The following SLC10A7 variants were observed in gnomAD, a reference collection of about 807,000 sequenced individuals.
SLC10A7 encodes the protein sodium/bile acid cotransporter 7.
A neutral mutation model predicts 43.2 loss-of-function variants in SLC10A7; 29 were observed. The observed-to-expected ratio is 0.67, with a 90% CI of 0.50 to 0.92. The LOEUF (loss-of-function observed/expected upper bound fraction) is 0.92, where lower values mean the gene tolerates loss of function less well. Ranked by LOEUF, SLC10A7 falls within the 40% of genes least tolerant of loss-of-function variation. The pLI, the probability that SLC10A7 is intolerant of heterozygous loss-of-function variation, is 0.00. For missense variants in SLC10A7, 295 were observed against 403.2 expected (o/e 0.73, Z 2.30); for synonymous variants, 152 against 144.8 (o/e 1.05, Z -0.35).
At chr4:146,422,065 C>G (rs965318112) in intron 5 of SLC10A7, among the ~76,000 whole-genome samples, 1 of 152,108 alleles carries the variant, frequency 6.6e-6, no homozygotes, top group Non-Finnish European at 1.5e-5. Context: ...ACTCAGCTGA[C>G]TTCAATGATA....
At position 146,295,667 on chromosome 4, in the gene SLC10A7, T is replaced by C. The variant is rs193279255; in HGVS notation, c.556-1572A>G. Among the ~76,000 whole-genome samples the C allele has an allele frequency of 4.6e-3, 698 of 152,228 alleles. 4 individuals are homozygous for C. The highest frequency in any genetic ancestry group is 5.7e-3 in the Non-Finnish European group (386 of 68,000). The stretch of plus-strand genomic sequence containing the variant: ...ACTAGGGTTGGTGGGTAGCTGGTCA[T>C]TGGAAGGCCACAGAGGGACTTCATT... On this transcript the variant is annotated intron_variant, in intron 7 of 11. Transcript: ENST00000335472.
chr4:146,391,728 G>A (rs1738445062), intron 5 of SLC10A7, among the ~76,000 whole-genome samples: 1 of 152,188 alleles, frequency 6.6e-6, no homozygotes. Flanking sequence ...TGAAGTAGGT[G>A]CAATTAGAGC....
chr4:146,464,293 C>T (rs1012605562), intron 4 of SLC10A7, among the ~76,000 whole-genome samples: 11 of 152,050 alleles, frequency 7.2e-5, no homozygotes, highest in South Asian at 6.2e-4. Context: ...CAAAACAGTA[C>T]GCATTGTATG....
At chr4:146,427,624 C>G (rs1265479105) in intron 5 of SLC10A7, among the ~76,000 whole-genome samples, 1 of 151,760 alleles carries the variant, frequency 6.6e-6, no homozygotes, top group Admixed American at 6.6e-5. Flanking sequence ...TTTCCATGAT[C>G]TCTACTCATT....
intron 5 of SLC10A7, among the ~76,000 whole-genome samples, chr4:146,365,117 T>C (rs1401310273): frequency 6.6e-6 from 1 of 152,164 alleles, no homozygotes; most frequent in African/African-American, 2.4e-5. Flanking sequence ...CTGCTGATTA[T>C]TATATGTTAT....
intron 7 of SLC10A7, among the ~76,000 whole-genome samples, chr4:146,303,378 T>TC (rs1056198567): frequency 2.0e-5 from 3 of 148,966 alleles, no homozygotes; most frequent in African/African-American, 7.4e-5. Context: ...TTTCTTTCTT[T>TC]TTTTTTTTTT....
At chr4:146,343,939 A>G (rs1337132198) in intron 5 of SLC10A7, among the ~76,000 whole-genome samples, 1 of 152,062 alleles carries the variant, frequency 6.6e-6, no homozygotes, top group Non-Finnish European at 1.5e-5. Context: ...CGAGTCTGTC[A>G]ATCAGAGAAG....
rs759663491 is a variant in SLC10A7, at chr4:146,441,640, C to G, written c.435+1143G>C. The G allele has an allele frequency of 1.4e-4, 136 of 944,138 alleles. 1 individual carries two copies. The highest frequency in any genetic ancestry group is 2.5e-4 in the Admixed American group (4 of 16,196). 58.5% of individuals were successfully genotyped at this position (944,138 alleles called of 1,614,324 possible). ...ATAATGACTTAAAATATTACTGAGT[C>G]TAAACTAAGCAATCCGAGAGATTAT... is the stretch of plus-strand genomic sequence containing the variant. On this transcript the variant is annotated intron_variant, in intron 5 of 11. Transcript: ENST00000335472.
At position 146,256,965 on chromosome 4, in the gene SLC10A7, T is replaced by A. The variant is rs1167131541; in HGVS notation, c.994-445A>T. 2.8e-6 allele frequency: 4 copies of A among 1,419,892 alleles called. No homozygotes were observed. In the Admixed American group the frequency reaches 5.9e-5, roughly 21 times the overall value. The allele number at this position is 1,419,892 out of a possible 1,614,324, so 88.0% of individuals were successfully genotyped here. ...CACAAAGGAAAAATGAACAACAGTG[T>A]ACAATTTAGTCTCCCTTTTGGAAAT... On this transcript the variant is annotated intron_variant, in intron 11 of 11. Transcript: ENST00000335472.
At chr4:146,476,480 TGTGTGTGTGTTG>T in intron 4 of SLC10A7, among the ~76,000 whole-genome samples, 1 of 152,142 alleles carries the variant, frequency 6.6e-6, no homozygotes, top group South Asian at 2.1e-4. Context: ...CCGTTTAAAT[TGTGTGTGTGTTG>T]GTGTGTGTGT....
intron 5 of SLC10A7, among the ~76,000 whole-genome samples, chr4:146,393,177 G>C (rs529211711): frequency 2.0e-5 from 2 of 99,002 alleles, no homozygotes; most frequent in Non-Finnish European, 3.5e-5. Context: ...GGATGACAGA[G>C]CAAGGCCCTG....
At chr4:146,508,236 C>T (rs938787850) in intron 3 of SLC10A7, among the ~76,000 whole-genome samples, 2 of 152,098 alleles carry the variant, frequency 1.3e-5, no homozygotes, top group Non-Finnish European at 1.5e-5. Context: ...CACATGGTGC[C>T]CCATTTTAGT....
At chr4:146,517,601 G>A (rs1738142887) in intron 1 of SLC10A7, among the ~76,000 whole-genome samples, 1 of 152,104 alleles carries the variant, frequency 6.6e-6, no homozygotes, top group Admixed American at 6.6e-5. Flanking sequence ...CCTAACTCCA[G>A]AGAGCATTTT....
chr4:146,349,357 AAC>A (rs1734855165), intron 5 of SLC10A7, among the ~76,000 whole-genome samples: 1 of 152,230 alleles, frequency 6.6e-6, no homozygotes, highest in African/African-American at 2.4e-5. Context: ...AGTAAAAAAC[AAC>A]AGTTGATGGT....
At chr4:146,295,350 T>C (rs995339698) in intron 7 of SLC10A7, among the ~76,000 whole-genome samples, 2 of 152,094 alleles carry the variant, frequency 1.3e-5, no homozygotes, top group African/African-American at 4.8e-5. Context: ...TTTTAAAAAA[T>C]TGTAATTAAT....
intron 8 of SLC10A7, among the ~76,000 whole-genome samples, 185 bp downstream of exon 8, chr4:146,293,745 G>C (rs901486339): frequency 6.6e-6 from 1 of 152,098 alleles, no homozygotes; most frequent in South Asian, 2.1e-4. Context: ...AGGAAATTAC[G>C]ATATAAGTGT....
At chr4:146,327,737 C>G (rs1162162435) in intron 5 of SLC10A7, among the ~76,000 whole-genome samples, 1 of 152,218 alleles carries the variant, frequency 6.6e-6, no homozygotes, top group African/African-American at 2.4e-5. Context: ...AATGATATAA[C>G]TGCTGCGACC....
At chr4:146,342,526 T>C (rs1326167411) in intron 5 of SLC10A7, among the ~76,000 whole-genome samples, 2 of 151,776 alleles carry the variant, frequency 1.3e-5, no homozygotes, top group African/African-American at 2.4e-5. Flanking sequence ...TTTAAGAATG[T>C]CTTTATATGT....
intron 4 of SLC10A7, among the ~76,000 whole-genome samples, chr4:146,461,616 C>A (rs1732536048): frequency 6.6e-6 from 1 of 151,994 alleles, no homozygotes; most frequent in African/African-American, 2.4e-5. Context: ...TCTATCTCTG[C>A]ACTCCAGCTT....
Sources: allele counts gnomAD v4.1 joint callset (sites outside exome capture counted in the v4.1 genomes callset), GRCh38; gene constraint gnomAD v4.1.1; transcripts MANE v1.5; gene names NCBI Gene and HGNC (gene_info 2026-07-23, HGNC 2026-07-21).